HTR3A: variants seen among roughly 807,000 people sequenced by gnomAD.
The protein encoded by HTR3A is 5-hydroxytryptamine (serotonin) receptor 3A, ionotropic.
In HTR3A, 45 loss-of-function variants were observed where a neutral mutation model predicts 54.8. That is an observed-to-expected ratio of 0.82 (90% CI 0.65 to 1.05). The LOEUF (loss-of-function observed/expected upper bound fraction) is 1.05, where lower values mean the gene tolerates loss of function less well. Among genes scored for constraint, HTR3A ranks in the 50% least tolerant of loss-of-function variants. The pLI is 0.00. For synonymous variants in HTR3A, 297 were observed against 256.0 expected (o/e 1.16, Z -1.53); for missense variants, 657 against 614.0 (o/e 1.07, Z -0.74).
Position 113,986,503 on chromosome 11 carries a change from C to A in HTR3A, c.706-15C>A, listed in dbSNP as rs762975235. 1.6e-5 allele frequency: 26 copies of A among 1,611,454 alleles called. No individual in the cohort carries two copies. The East Asian group carries it at 2.0e-4, about 12-fold the overall frequency. The stretch of plus-strand genomic sequence containing the variant: ...GTTTGCCCCAGGCTTCCCACAAGCT[C>A]TTCTCCGGTCCCAGGTGGTCATCCG... On this transcript the variant is annotated splice_polypyrimidine_tract_variant and intron_variant, in intron 6 of 8. Transcript: ENST00000504030.
Position 113,981,424 on chromosome 11 carries a change from G to A in HTR3A, c.374+112G>A, listed in dbSNP as rs879828515. ...CATTTGAGATGTCCCACCAGGAATT[G>A]CAGACTGTAGATAAAGCTGGTGTGA... is the stretch of plus-strand genomic sequence containing the variant. On this transcript the variant is annotated intron_variant, in intron 4 of 8. Coordinates refer to ENST00000504030, the MANE Select transcript of HTR3A (RefSeq NM_000869.6). 30 of 734,414 alleles carry A rather than the reference G, an allele frequency of 4.1e-5. No individual in the cohort carries two copies. In the Admixed American group the frequency reaches 5.3e-4, roughly 13 times the overall value. The allele number at this position is 734,414 out of a possible 1,614,324, so 45.5% of individuals were successfully genotyped here.
chr11:113,975,282 C>T lies in HTR3A; in HGVS notation c.-44C>T, dbSNP rs771840594. 1.0e-5 allele frequency: 16 copies of T among 1,606,674 alleles called. No individual in the cohort carries two copies. The highest frequency in any genetic ancestry group is 1.7e-4 in the Middle Eastern group (1 of 6,054). On this transcript the variant is annotated 5_prime_UTR_variant, in exon 1 of 9. Coordinates refer to ENST00000504030, the MANE Select transcript of HTR3A (RefSeq NM_000869.6). The stretch of plus-strand genomic sequence containing the variant: ...AGGCAAGCTGGCCCTTGGTGGGCCT[C>T]GTCCTGAGCACTCGGAGGCACTCCT...
Position 113,989,797 on chromosome 11 carries a change from C to A in HTR3A, c.*34C>A. ...AGCCCAGTGGAGGAGGGGGTACAGT[C>A]CTGGTTAGGTGGGGACAGAGGATTT... is the stretch of plus-strand genomic sequence containing the variant. On this transcript the variant is annotated 3_prime_UTR_variant, in exon 9 of 9. Transcript: ENST00000504030. This position sits in a 1 kb window ranked among gnomAD's most constrained non-coding sequence, Gnocchi z 4.4. 1 of 1,600,094 alleles carries A rather than the reference C, an allele frequency of 6.2e-7. No homozygotes were observed. Among genetic ancestry groups the A allele is most frequent in the South Asian group, 1.1e-5 (1 of 90,992 alleles).
chr11:113,981,337 G>A, intron 4 of HTR3A, 25 bp downstream of exon 4: 1 of 1,447,154 alleles, frequency 6.9e-7, no homozygotes, highest in Non-Finnish European at 9.7e-7. Context: ...CCATTGTGAG[G>A]TGGCTGGGTG....
chr11:113,979,394 CTCAGCCTGA>C lies in HTR3A; in HGVS notation c.264+118_264+126del, dbSNP rs1442676345. 5.6e-5 allele frequency: 44 copies of C among 779,644 alleles called. 1 individual carries two copies. In the African/African-American group the frequency reaches 7.0e-4, roughly 12 times the overall value. The allele number at this position is 779,644 out of a possible 1,614,324, so 48.3% of individuals were successfully genotyped here. Reference sequence around the variant, plus strand: ...GTGAGCGGAGAGGCTGAGGGGCACCCTCAGCCTGAGATCCAGGAGTGTGGAATCTCCTCA... The same window carrying C: ...GTGAGCGGAGAGGCTGAGGGGCACCCGATCCAGGAGTGTGGAATCTCCTCA... On this transcript the variant is annotated intron_variant, in intron 3 of 8. Coordinates refer to ENST00000504030, the MANE Select transcript of HTR3A (RefSeq NM_000869.6).
Position 113,983,125 on chromosome 11 carries a change from A to T in HTR3A, c.380A>T (p.Asp127Val). 1 of 1,614,148 alleles carries T rather than the reference A, an allele frequency of 6.2e-7. No homozygotes were observed. The highest frequency in any genetic ancestry group is 1.1e-5 in the South Asian group (1 of 91,072). The change falls in exon 5 of 9, where the codon GAT (aspartate) becomes GTT (valine). Residue 127 changes from aspartate (D) to valine (V), a missense_variant. Transcript: ENST00000504030. ...AACCCCTTTTCCCCCGCCAGCGTGG[A>T]TGTGGGGAAGTCTCCAAATATCCCG... ...VPDILINEFV[D>V]VGKSPNIPYV...
chr11:113,977,953 A>C (rs1436269621), intron 2 of HTR3A, 31 bp downstream of exon 2: 1 of 1,614,064 alleles, frequency 6.2e-7, no homozygotes, highest in South Asian at 1.1e-5. Context: ...GCACACAGGC[A>C]GACCTTTTGG....
At chr11:113,986,260 T>C (rs1950490300) in intron 6 of HTR3A, 85 bp downstream of exon 6, 4 of 1,554,538 alleles carry the variant, frequency 2.6e-6, no homozygotes, top group East Asian at 2.2e-5. Context: ...AGAACTTCTA[T>C]AGCCTTTTTC....
At chr11:113,977,425 TCC>T in intron 1 of HTR3A, 1 of 837,046 alleles carries the variant, frequency 1.2e-6, no homozygotes, top group Admixed American at 2.8e-5. Flanking sequence ...TCCTTGTTGC[TCC>T]CCAGAGGCCC....
In HTR3A at chr11:113,983,122, T is replaced by C. The variant is rs1196694698; in HGVS notation, c.377T>C (p.Val126Ala). ...WVPDILINEF[V>A]DVGKSPNIPY... ...ACTAACCCCTTTTCCCCCGCCAGCG[T>C]GGATGTGGGGAAGTCTCCAAATATC... Residue 126 changes from valine (V) to alanine (A), a missense_variant and splice_region_variant, in exon 5 of 9, where the codon GTG becomes GCG. Coordinates refer to ENST00000504030, the MANE Select transcript of HTR3A (RefSeq NM_000869.6). 6.2e-7 allele frequency: 1 copy of C among 1,614,072 alleles called. No homozygotes were observed. Among genetic ancestry groups the C allele is most frequent in the Admixed American group, 1.7e-5 (1 of 59,998 alleles).
In HTR3A at chr11:113,981,234, C is replaced by T. The variant is rs1950418122; in HGVS notation, c.296C>T (p.Pro99Leu). 2 of 1,613,786 alleles carry T rather than the reference C, an allele frequency of 1.2e-6. No individual in the cohort carries two copies. ...YWTDEFLQWN[P>L]EDFDNITKLS... The stretch of plus-strand genomic sequence containing the variant: ...ACTGATGAGTTTCTCCAGTGGAACC[C>T]TGAGGACTTTGACAACATCACCAAG... The change falls in exon 4 of 9, where the codon CCT becomes CTT. Residue 99 changes from proline (P) to leucine (L), a missense_variant. Pro to Leu is a moderately conservative substitution (Grantham distance 98). Transcript: ENST00000504030.
intron 5 of HTR3A, 25 bp from the exon 6 acceptor site, chr11:113,985,990 G>C: frequency 6.2e-7 from 1 of 1,613,952 alleles, no homozygotes; most frequent in Non-Finnish European, 8.5e-7. Flanking sequence ...AGATTCCAAA[G>C]CTGGCTTGCT....
intron 5 of HTR3A, 58 bp from the exon 6 acceptor site, chr11:113,985,957 G>T: frequency 6.3e-7 from 1 of 1,597,242 alleles, no homozygotes; most frequent in Non-Finnish European, 8.6e-7. Context: ...CATCATCACA[G>T]GGTCCAGCAG....
rs1351464646 is a variant in HTR3A at position 113,975,245 on chromosome 11, T to C, written c.-81T>C. The stretch of plus-strand genomic sequence containing the variant: ...GAGGCAGGCTGGCTGGGACATGAGG[T>C]TGGCAGAGGGCAGGCAAGCTGGCCC... On this transcript the variant is annotated 5_prime_UTR_variant, in exon 1 of 9. Transcript: ENST00000504030. The C allele has an allele frequency of 1.4e-6, 2 of 1,383,214 alleles. No homozygotes were observed. Among genetic ancestry groups the C allele is most frequent in the South Asian group, 1.2e-5 (1 of 84,134 alleles). 85.7% of individuals were successfully genotyped at this position (1,383,214 alleles called of 1,614,324 possible). A position where few individuals can be genotyped will look rare whatever the true frequency, so the allele number is the denominator to read the frequency against.
intron 3 of HTR3A, among the ~76,000 whole-genome samples, chr11:113,980,088 C>T (rs1209101043): frequency 6.6e-6 from 1 of 152,154 alleles, no homozygotes; most frequent in Non-Finnish European, 1.5e-5. Context: ...CTGCTCTGTC[C>T]CTGCCTCGCA....
In HTR3A at chr11:113,977,788, A is replaced by C; in HGVS notation, c.85A>C (p.Thr29Pro). 1.2e-6 allele frequency: 2 copies of C among 1,614,096 alleles called. No homozygotes were observed. The highest frequency in any genetic ancestry group is 2.2e-5 in the East Asian group (1 of 44,864). ...AQGEARRSRN[T>P]TRPALLRLSD... ...CTTCCCAGCCAGGAGGAGCCGAAAC[A>C]CCACCAGGCCCGCTCTGCTGAGGCT... Residue 29 changes from threonine to proline, a missense_variant, in exon 2 of 9, where the codon ACC becomes CCC. Transcript: ENST00000504030.
chr11:113,984,497 C>A (rs1322138191), intron 5 of HTR3A, among the ~76,000 whole-genome samples: 1 of 152,152 alleles, frequency 6.6e-6, no homozygotes, highest in Non-Finnish European at 1.5e-5. Flanking sequence ...TGATTTCTCG[C>A]CCACCTTTAG....
rs577610340 is a variant in HTR3A, at chr11:113,986,667, G to C, written c.855G>C (p.Ser285=). Residue 285 remains serine, a synonymous_variant, in exon 7 of 9, where the codon TCG becomes TCC. Coordinates refer to ENST00000504030, the MANE Select transcript of HTR3A (RefSeq NM_000869.6). ...AGATTACACTCCTCCTGGGCTACTC[G>C]GTCTTCCTGATCATCGTTTCTGACA... ...SFKITLLLGY[S]VFLIIVSDTL... 8.7e-6 allele frequency: 14 copies of C among 1,613,982 alleles called. No homozygotes were observed. Among genetic ancestry groups the C allele is most frequent in the Admixed American group, 8.3e-5 (5 of 59,990 alleles).
intron 6 of HTR3A, 97 bp from the exon 7 acceptor site, chr11:113,986,421 G>A: frequency 1.4e-6 from 2 of 1,410,158 alleles, no homozygotes; most frequent in South Asian, 1.2e-5. Flanking sequence ...ATCCAGGCTG[G>A]AAGCCCCATA....
Sources: allele counts gnomAD v4.1 joint callset (sites outside exome capture counted in the v4.1 genomes callset), GRCh38; gene constraint gnomAD v4.1.1; non-coding constraint Gnocchi (gnomAD v3.1); transcripts MANE v1.5; gene names NCBI Gene and HGNC (gene_info 2026-07-23, HGNC 2026-07-21).